Variants in SOX6 observed in about 807,000 individuals in gnomAD.
SOX6 encodes the protein transcription factor SOX-6.
In SOX6, 11 loss-of-function variants were observed where a neutral mutation model predicts 97.8. The observed-to-expected ratio is 0.11, with a 90% CI of 0.07 to 0.19. SOX6 has a LOEUF of 0.19. Among genes scored for constraint, SOX6 ranks in the 10% least tolerant of loss-of-function variants. The pLI, the probability that SOX6 is intolerant of heterozygous loss-of-function variation, is 1.00. For synonymous variants in SOX6, 360 were observed against 371.4 expected (o/e 0.97, Z 0.35); for missense variants, 810 against 1,039.5 (o/e 0.78, Z 3.04).
At chr11:16,190,844 G>A (rs572455070) in intron 4 of SOX6, among the ~76,000 whole-genome samples, 2 of 152,158 alleles carry the variant, frequency 1.3e-5, no homozygotes, top group African/African-American at 4.8e-5. Context: ...TATTTGTTCG[G>A]GTATAATGGT....
chr11:16,184,033 T>C, intron 5 of SOX6, 79 bp from the exon 6 acceptor site: 1 of 1,254,912 alleles, frequency 8.0e-7, no homozygotes. Flanking sequence ...CTCCTGGTAT[T>C]ACAACAATCT....
intron 4 of SOX6, among the ~76,000 whole-genome samples, chr11:16,555,274 A>C (rs764495389): frequency 7.2e-4 from 110 of 151,926 alleles, no homozygotes; most frequent in Non-Finnish European, 1.4e-3. Context: ...TAAATCATTC[A>C]GTGTGTATAA....
At chr11:16,365,210 G>A (rs1227026502) in intron 1 of SOX6, among the ~76,000 whole-genome samples, 1 of 151,878 alleles carries the variant, frequency 6.6e-6, no homozygotes, top group African/African-American at 2.4e-5. Context: ...TACGGATAGG[G>A]TTCAGTACTA....
intron 3 of SOX6, among the ~76,000 whole-genome samples, chr11:16,683,720 C>T (rs1158022904): frequency 6.6e-6 from 1 of 152,042 alleles, no homozygotes; most frequent in African/African-American, 2.4e-5. Flanking sequence ...GCAACAAAAG[C>T]CAAAATTGAC....
intron 3 of SOX6, among the ~76,000 whole-genome samples, chr11:16,252,138 G>A (rs1235013673): frequency 1.3e-5 from 2 of 152,076 alleles, no homozygotes; most frequent in Non-Finnish European, 2.9e-5. Flanking sequence ...TATTATCCTG[G>A]TGATCTTAGA....
At chr11:16,453,362 T>G (rs1859756155) in intron 1 of SOX6, among the ~76,000 whole-genome samples, 1 of 152,108 alleles carries the variant, frequency 6.6e-6, no homozygotes, top group African/African-American at 2.4e-5. Flanking sequence ...GGTTAACATC[T>G]GCATCTTATA....
chr11:16,132,318 GGAAGGAAGGAAGGAAA>G (rs1849775702), intron 6 of SOX6, among the ~76,000 whole-genome samples: 8 of 91,054 alleles, frequency 8.8e-5, no homozygotes, highest in South Asian at 4.1e-4. Flanking sequence ...AAGGAAGGAA[GGAAGGAAGGAAGGAAA>G]GAAAAAAGAA....
intron 13 of SOX6, among the ~76,000 whole-genome samples, chr11:16,011,679 G>A (rs1854730116): frequency 6.6e-6 from 1 of 152,060 alleles, no homozygotes; most frequent in African/African-American, 2.4e-5. Context: ...AAGCCTGGTG[G>A]AAGCAGGGCC....
At chr11:16,541,264 G>T (rs1268442505) in intron 4 of SOX6, among the ~76,000 whole-genome samples, 4 of 152,144 alleles carry the variant, frequency 2.6e-5, no homozygotes, top group African/African-American at 9.7e-5. Flanking sequence ...AAACTGGCTA[G>T]CTATATGTAG....
At position 15,972,536 on chromosome 11, in the gene SOX6, G is replaced by A; in HGVS notation, c.*273C>T. ...ATATAAGACTTGTAAGACATCTACGGGTTGAGATAAGTTTCAAGTCCTGGT... is the reference window on the plus strand; with the variant it reads ...ATATAAGACTTGTAAGACATCTACGAGTTGAGATAAGTTTCAAGTCCTGGT... On this transcript the variant is annotated 3_prime_UTR_variant, in exon 16 of 16. Coordinates refer to ENST00000683767, the MANE Select transcript of SOX6 (RefSeq NM_001367873.1). 4.2e-6 allele frequency: 2 copies of A among 479,512 alleles called. No individual in the cohort carries two copies. Among genetic ancestry groups the A allele is most frequent in the Non-Finnish European group, 7.5e-6 (2 of 267,538 alleles). 29.7% of individuals were successfully genotyped at this position (479,512 alleles called of 1,614,324 possible).
At chr11:16,366,731 C>T (rs1044108668) in intron 1 of SOX6, among the ~76,000 whole-genome samples, 15 of 151,974 alleles carry the variant, frequency 9.9e-5, no homozygotes, top group African/African-American at 3.6e-4. Context: ...GCATTTCTTA[C>T]ATACATCAGT....
chr11:16,349,696 GGAAGGAAGGAAGGAAGGAA>G (rs869127251), intron 1 of SOX6, among the ~76,000 whole-genome samples: 10 of 52,090 alleles, frequency 1.9e-4, no homozygotes, highest in African/African-American at 2.4e-4. Context: ...AAGGAAGGAA[GGAAGGAAGGAAGGAAGGAA>G]GAAGGAAGGA....
intron 1 of SOX6, among the ~76,000 whole-genome samples, chr11:16,448,801 G>T (rs1428041107): frequency 6.6e-6 from 1 of 152,122 alleles, no homozygotes; most frequent in African/African-American, 2.4e-5. Context: ...GGAGACCAAG[G>T]CAGGAGGATC....
intron 6 of SOX6, among the ~76,000 whole-genome samples, chr11:16,161,234 A>G (rs922042832): frequency 1.3e-5 from 2 of 152,148 alleles, no homozygotes; most frequent in East Asian, 3.9e-4. Flanking sequence ...CCAGCACAAC[A>G]TTAGTACACC....
At chr11:16,717,866 CT>C (rs796071914) in intron 2 of SOX6, among the ~76,000 whole-genome samples, 188 of 135,668 alleles carry the variant, frequency 1.4e-3, no homozygotes, top group Middle Eastern at 3.9e-3. Context: ...CCTCTTTGTT[CT>C]TTTTTTTTTT....
intron 4 of SOX6, among the ~76,000 whole-genome samples, chr11:16,608,157 G>A (rs1848357454): frequency 6.6e-6 from 1 of 152,096 alleles, no homozygotes; most frequent in Admixed American, 6.6e-5. Flanking sequence ...TAGGGCTGCT[G>A]GGAGGAGGAG....
chr11:16,660,318 A>T lies in SOX6; in HGVS notation n.430-48058T>A, dbSNP rs572745636. Among the ~76,000 whole-genome samples the T allele has an allele frequency of 6.6e-5, 10 of 152,290 alleles. 1 individual carries two copies. In the South Asian group the frequency reaches 2.1e-3, roughly 32 times the overall value. On this transcript the variant is annotated intron_variant and non_coding_transcript_variant, in intron 3 of 5. Coordinates refer to the SOX6 transcript ENST00000524520. ...CATTTTTATTTTAATTTACCTCAAAATATTTTTAATTTCTCTTGAGACTGA... is the reference window on the plus strand; with the variant it reads ...CATTTTTATTTTAATTTACCTCAAATTATTTTTAATTTCTCTTGAGACTGA...
At chr11:16,240,903 A>C (rs1290792086) in intron 3 of SOX6, among the ~76,000 whole-genome samples, 1 of 152,032 alleles carries the variant, frequency 6.6e-6, no homozygotes, top group Non-Finnish European at 1.5e-5. Flanking sequence ...TGACTATTTA[A>C]ATCATTATTT....
At chr11:16,305,501 G>A (rs542034404) in intron 3 of SOX6, among the ~76,000 whole-genome samples, 2 of 152,148 alleles carry the variant, frequency 1.3e-5, no homozygotes, top group Non-Finnish European at 2.9e-5. Flanking sequence ...CAGTGTGGCA[G>A]TTTCTTATAA....
Sources: allele counts gnomAD v4.1 joint callset (sites outside exome capture counted in the v4.1 genomes callset), GRCh38; gene constraint gnomAD v4.1.1; transcripts MANE v1.5; gene names NCBI Gene and HGNC (gene_info 2026-07-23, HGNC 2026-07-21).